Variants in KIRREL3 observed in about 807,000 individuals in gnomAD.
KIRREL3 encodes the protein kin of IRRE-like protein 3.
Under a neutral mutation model 89.7 loss-of-function variants are expected in KIRREL3, and 36 were observed. The ratio of observed to expected loss-of-function variants is 0.40; its 90% confidence interval spans 0.31 to 0.53. KIRREL3 has a LOEUF of 0.53. Ranked by LOEUF, KIRREL3 falls within the 20% of genes least tolerant of loss-of-function variation. The pLI is 0.49. For synonymous variants in KIRREL3, 445 were observed against 441.4 expected (o/e 1.01, Z -0.10); for missense variants, 864 against 1,056.6 (o/e 0.82, Z 2.53).
Position 126,683,870 on chromosome 11 carries a change from C to T in KIRREL3, c.56-120958G>A, listed in dbSNP as rs2135110019. On this transcript the variant is annotated intron_variant, in intron 1 of 16. Coordinates refer to ENST00000525144, the MANE Select transcript of KIRREL3 (RefSeq NM_032531.4). This position sits in a 1 kb window ranked among gnomAD's most constrained non-coding sequence, Gnocchi z 5.2. Reference sequence around the variant, plus strand: ...CGCCAGGCCCCAGACGCGCGTGGGTCCACCTACCGTCCATCTACCGGGGTC... The same window carrying T: ...CGCCAGGCCCCAGACGCGCGTGGGTTCACCTACCGTCCATCTACCGGGGTC... Among the ~76,000 whole-genome samples the T allele has an allele frequency of 6.6e-6, 1 of 152,352 alleles. No individual in the cohort carries two copies. The highest frequency in any genetic ancestry group is 1.5e-5 in the Non-Finnish European group (1 of 68,030).
chr11:126,894,297 T>G (rs1198215183), intron 1 of KIRREL3, among the ~76,000 whole-genome samples: 1 of 152,006 alleles, frequency 6.6e-6, no homozygotes, highest in African/African-American at 2.4e-5. Context: ...CCAGGCATTG[T>G]GTTAGGTGTA....
chr11:126,590,255 G>C (rs181205744), intron 1 of KIRREL3, among the ~76,000 whole-genome samples: 133 of 134,004 alleles, frequency 9.9e-4, no homozygotes, highest in Non-Finnish European at 1.6e-3. Flanking sequence ...GATGTAGCCT[G>C]ATCAAGCAAA....
chr11:126,682,016 G>T lies in KIRREL3; in HGVS notation c.56-119104C>A. 2.7e-6 allele frequency: 1 copy of T among 372,104 alleles called. No individual in the cohort carries two copies. Among genetic ancestry groups the T allele is most frequent in the South Asian group, 2.0e-5 (1 of 49,600 alleles). The allele number at this position is 372,104 out of a possible 1,614,324, so 23.1% of individuals were successfully genotyped here. ...ATCAGGAGACCAGATGTCAAGACTG[G>T]ACTACATCTTTATATTCATTTCCAG... On this transcript the variant is annotated intron_variant, in intron 1 of 16. Transcript: ENST00000525144. This position sits in a 1 kb window ranked among gnomAD's most constrained non-coding sequence, Gnocchi z 4.8.
chr11:126,893,102 A>G (rs1945991622), intron 1 of KIRREL3, among the ~76,000 whole-genome samples: 1 of 152,192 alleles, frequency 6.6e-6, no homozygotes, highest in African/African-American at 2.4e-5. Context: ...TTGGGAGAAG[A>G]TTTCAGCATT....
rs1395697809 is a variant in KIRREL3, at chr11:126,544,307, C to T, written c.134-17620G>A. ...TTTAACTGCACAATAACTGCAGGTCCTTGCTGCTTATTGGGTAATTTACTA... is the reference window on the plus strand; with the variant it reads ...TTTAACTGCACAATAACTGCAGGTCTTTGCTGCTTATTGGGTAATTTACTA... On this transcript the variant is annotated intron_variant, in intron 2 of 16. Coordinates refer to ENST00000525144, the MANE Select transcript of KIRREL3 (RefSeq NM_032531.4). This position sits in a 1 kb window ranked among gnomAD's most constrained non-coding sequence, Gnocchi z 5.6. 1 of 152,208 alleles carries T rather than the reference C, an allele frequency of 6.6e-6. No individual in the cohort carries two copies. Among genetic ancestry groups the T allele is most frequent in the Admixed American group, 6.5e-5 (1 of 15,280 alleles). The allele number at this position is 152,208 out of a possible 1,614,324, so 9.4% of individuals were successfully genotyped here.
Position 126,473,442 on chromosome 11 carries a change from A to G in KIRREL3, c.458T>C (p.Leu153Pro). Residue 153 changes from leucine to proline, a missense_variant, in exon 5 of 17, where the codon CTG (leucine) becomes CCG (proline). Coordinates refer to ENST00000525144, the MANE Select transcript of KIRREL3 (RefSeq NM_032531.4). The stretch of plus-strand genomic sequence containing the variant: ...ACGCAGGCTGATCACAGGGCCCCCC[A>G]GGATGACGGGGTCATCAGGCGGCAC... Reference protein sequence around the residue: ...VLVPPDDPVILGGPVISLRAG... With the variant: ...VLVPPDDPVIPGGPVISLRAG... The G allele has an allele frequency of 6.4e-7, 1 of 1,567,958 alleles. No individual in the cohort carries two copies. The highest frequency in any genetic ancestry group is 8.7e-7 in the Non-Finnish European group (1 of 1,147,546).
intron 1 of KIRREL3, among the ~76,000 whole-genome samples, chr11:126,745,465 A>G (rs1387233401): frequency 1.5e-5 from 2 of 136,824 alleles, no homozygotes; most frequent in Non-Finnish European, 3.1e-5. Flanking sequence ...ATGGAAAACA[A>G]ACAAACAAAC....
At position 126,783,366 on chromosome 11, in the gene KIRREL3, T is replaced by C. The variant is rs1165756736; in HGVS notation, c.55+217089A>G. 2.0e-5 allele frequency among the ~76,000 whole-genome samples: 3 copies of C among 152,248 alleles called. No homozygotes were observed. Among genetic ancestry groups the C allele is most frequent in the Non-Finnish European group, 2.9e-5 (2 of 68,046 alleles). Reference sequence around the variant, plus strand: ...ATTAAGGGCTTACCTTACTCCAGTATGACTTCATCCTAACTAGTGACACCT... The same window carrying C: ...ATTAAGGGCTTACCTTACTCCAGTACGACTTCATCCTAACTAGTGACACCT... On this transcript the variant is annotated intron_variant, in intron 1 of 16. Coordinates refer to ENST00000525144, the MANE Select transcript of KIRREL3 (RefSeq NM_032531.4). The surrounding 1 kb of genome is among the most constrained non-coding windows in gnomAD (Gnocchi z 4.3).
At chr11:126,461,957 T>C (rs1298905176) in intron 6 of KIRREL3, among the ~76,000 whole-genome samples, 3 of 152,202 alleles carry the variant, frequency 2.0e-5, no homozygotes, top group African/African-American at 7.2e-5. Context: ...AGTAGCGTTA[T>C]GTTTGGCGGC....
Position 126,696,006 on chromosome 11 carries a change from C to A in KIRREL3, c.56-133094G>T, listed in dbSNP as rs1326709999. 1.3e-5 allele frequency among the ~76,000 whole-genome samples: 2 copies of A among 152,088 alleles called. No individual in the cohort carries two copies. The highest frequency in any genetic ancestry group is 4.8e-5 in the African/African-American group (2 of 41,404). ...AGGTGGCTTATGCCTGTAATCCCAG[C>A]ACTTTGGGAGGCTGAGGCGGGTGGA... On this transcript the variant is annotated intron_variant, in intron 1 of 16. Transcript: ENST00000525144. This position sits in a 1 kb window ranked among gnomAD's most constrained non-coding sequence, Gnocchi z 4.4.
intron 1 of KIRREL3, among the ~76,000 whole-genome samples, chr11:126,937,373 G>C (rs1376624801): frequency 6.6e-6 from 1 of 152,190 alleles, no homozygotes; most frequent in African/African-American, 2.4e-5. Context: ...CACTTACAAA[G>C]TGCCTTAACA....
In KIRREL3 at chr11:126,526,571, C is replaced by T. The variant is rs1382045965; in HGVS notation, c.250G>A (p.Gly84Ser). 6 of 1,613,174 alleles carry T rather than the reference C, an allele frequency of 3.7e-6. No homozygotes were observed. Among genetic ancestry groups the T allele is most frequent in the South Asian group, 2.2e-5 (2 of 90,738 alleles). Reference sequence around the variant, plus strand: ...TCCCTGCCCACACCCAGAGCCAAGCCGTCCTTGATCCACAGAACGAAGCCA... The same window carrying T: ...TCCCTGCCCACACCCAGAGCCAAGCTGTCCTTGATCCACAGAACGAAGCCA... ...YDGFVLWIKD[G>S]LALGVGRDLS... Residue 84 changes from glycine (G) to serine (S), a missense_variant, in exon 3 of 17, where the codon GGC becomes AGC. By Grantham distance (56) the Gly-to-Ser change is moderately conservative. Coordinates refer to ENST00000525144, the MANE Select transcript of KIRREL3 (RefSeq NM_032531.4). This position sits in a 1 kb window ranked among gnomAD's most constrained non-coding sequence, Gnocchi z 5.7.
chr11:126,503,083 C>T (rs1008730182), intron 4 of KIRREL3, among the ~76,000 whole-genome samples: 8 of 152,206 alleles, frequency 5.3e-5, no homozygotes, highest in Non-Finnish European at 7.3e-5. Flanking sequence ...TTTCCTCCCT[C>T]GTTCTTGCCA....
chr11:126,425,550 T>G, intron 16 of KIRREL3, 88 bp downstream of exon 16: 7 of 1,181,776 alleles, frequency 5.9e-6, no homozygotes, highest in Non-Finnish European at 8.6e-6. Flanking sequence ...TGACTTGCTG[T>G]CATTTGTTGT....
chr11:126,435,158 A>C, intron 13 of KIRREL3, 110 bp downstream of exon 13: 1 of 1,114,918 alleles, frequency 9.0e-7, no homozygotes, highest in Non-Finnish European at 1.4e-6. Flanking sequence ...GAGGGCGGAG[A>C]CACTAGCGGC....
chr11:126,563,611 A>G lies in KIRREL3; in HGVS notation c.56-699T>C, dbSNP rs1940295057. Among the ~76,000 whole-genome samples, 1 of 152,194 alleles carries G rather than the reference A, an allele frequency of 6.6e-6. No homozygotes were observed. Among genetic ancestry groups the G allele is most frequent in the Non-Finnish European group, 1.5e-5 (1 of 68,032 alleles). On this transcript the variant is annotated intron_variant, in intron 1 of 16. Coordinates refer to ENST00000525144, the MANE Select transcript of KIRREL3 (RefSeq NM_032531.4). The surrounding 1 kb of genome is among the most constrained non-coding windows in gnomAD (Gnocchi z 6.8). ...GCACAGGGGTCGAGATAGCTGAGAG[A>G]CACGGACTCCACAGGGCTTTGACCC...
intron 1 of KIRREL3, among the ~76,000 whole-genome samples, chr11:126,893,024 C>T (rs1358875693): frequency 2.6e-5 from 4 of 152,138 alleles, no homozygotes; most frequent in Non-Finnish European, 4.4e-5. Context: ...TTGACGCTGT[C>T]GTAATTTCCC....
intron 8 of KIRREL3, 25 bp downstream of exon 8, chr11:126,448,984 G>A (rs1166066183): frequency 1.2e-5 from 19 of 1,579,802 alleles, no homozygotes; most frequent in Non-Finnish European, 1.6e-5. Flanking sequence ...TGCTCGCCTG[G>A]GGAAGCCTGC....
Position 126,520,220 on chromosome 11 carries a change from C to T in KIRREL3, c.433+1095G>A, listed in dbSNP as rs1041443888. Among the ~76,000 whole-genome samples the T allele has an allele frequency of 6.6e-6, 1 of 152,230 alleles. No homozygotes were observed. Among genetic ancestry groups the T allele is most frequent in the Non-Finnish European group, 1.5e-5 (1 of 68,042 alleles). On this transcript the variant is annotated intron_variant, in intron 4 of 16. Transcript: ENST00000525144. The surrounding 1 kb of genome is among the most constrained non-coding windows in gnomAD (Gnocchi z 4.9). ...GTGCTTTAGCTGCCAGGAGAGGAGGCAGCACCCCAGCTGCTGACCCTGTTG... is the reference window on the plus strand; with the variant it reads ...GTGCTTTAGCTGCCAGGAGAGGAGGTAGCACCCCAGCTGCTGACCCTGTTG...
Sources: gnomAD v4.1 joint callset for allele counts (sites outside exome capture counted in the v4.1 genomes callset) on GRCh38, gnomAD v4.1.1 for gene constraint, Gnocchi (gnomAD v3.1) non-coding constraint, MANE v1.5 for transcripts, NCBI Gene and HGNC (gene_info 2026-07-23, HGNC 2026-07-21) for gene names.